Variants in GUCY1B1 observed in about 807,000 individuals in gnomAD.
The protein encoded by GUCY1B1 is guanylate cyclase 1 soluble subunit beta 1, also known as guanylate cyclase soluble subunit beta-1.
Under a neutral mutation model 71.0 loss-of-function variants are expected in GUCY1B1, and 43 were observed. The ratio of observed to expected loss-of-function variants is 0.61; its 90% confidence interval spans 0.47 to 0.78. The LOEUF (loss-of-function observed/expected upper bound fraction) is 0.78, where lower values mean the gene tolerates loss of function less well. Among genes scored for constraint, GUCY1B1 ranks in the 30% least tolerant of loss-of-function variants. The pLI, the probability that GUCY1B1 is intolerant of heterozygous loss-of-function variation, is 0.00. For synonymous variants in GUCY1B1, 266 were observed against 259.7 expected (o/e 1.02, Z -0.23); for missense variants, 535 against 754.1 (o/e 0.71, Z 3.40).
chr4:155,777,443 T>A, intron 3 of GUCY1B1, 81 bp from the exon 4 acceptor site: 1 of 796,366 alleles, frequency 1.3e-6, no homozygotes, highest in South Asian at 1.5e-5. Flanking sequence ...CATTACTTAA[T>A]AAACACTTAT....
At chr4:155,796,306 C>T in intron 7 of GUCY1B1, 71 bp from the exon 8 acceptor site, 25 of 1,353,448 alleles carry the variant, frequency 1.8e-5, no homozygotes, top group South Asian at 3.8e-5. Flanking sequence ...ATGAGATATG[C>T]GTGTCCTTGT....
chr4:155,796,518 T>C lies in GUCY1B1; in HGVS notation c.977+8T>C. On this transcript the variant is annotated splice_region_variant and intron_variant, in intron 8 of 13. Coordinates refer to ENST00000264424, the MANE Select transcript of GUCY1B1 (RefSeq NM_000857.5). ...TTTTCTATGTTCACCAAGGTAATCATTTTTAGATTAATTATAGTGGCTATC... is the reference window on the plus strand; with the variant it reads ...TTTTCTATGTTCACCAAGGTAATCACTTTTAGATTAATTATAGTGGCTATC... 6.3e-7 allele frequency: 1 copy of C among 1,591,974 alleles called. No homozygotes were observed. The highest frequency in any genetic ancestry group is 8.6e-7 in the Non-Finnish European group (1 of 1,162,216).
intron 4 of GUCY1B1, among the ~76,000 whole-genome samples, chr4:155,779,031 A>G (rs1738244492): frequency 6.6e-6 from 1 of 151,938 alleles, no homozygotes; most frequent in Non-Finnish European, 1.5e-5. Context: ...ATGGCACAGT[A>G]AGAGAGCAAG....
At chr4:155,760,867 G>T (rs1736955765) in intron 2 of GUCY1B1, among the ~76,000 whole-genome samples, 1 of 152,152 alleles carries the variant, frequency 6.6e-6, no homozygotes, top group Admixed American at 6.5e-5. Flanking sequence ...TCATTTTGTT[G>T]TCTCAGGTAG....
In GUCY1B1 at chr4:155,777,469, T is replaced by C; in HGVS notation, c.179-55T>C. 9.9e-6 allele frequency: 9 copies of C among 905,422 alleles called. 1 individual carries two copies. The South Asian group carries it at 1.1e-4, about 11-fold the overall frequency. 56.1% of individuals were successfully genotyped at this position (905,422 alleles called of 1,614,324 possible). On this transcript the variant is annotated intron_variant, in intron 3 of 13. Transcript: ENST00000264424. Reference sequence around the variant, plus strand: ...AAACACTTATCTTCATTTTTTCTATTAACAATATTTCACCTATTATATGCT... The same window carrying C: ...AAACACTTATCTTCATTTTTTCTATCAACAATATTTCACCTATTATATGCT...
In GUCY1B1 at chr4:155,796,306, C is replaced by A. The variant is rs1579247454; in HGVS notation, c.844-71C>A. ...GTGGTTTGGTGGGAAATGAGATATG[C>A]GTGTCCTTGTTGCTGAATTCTTAGG... On this transcript the variant is annotated intron_variant, in intron 7 of 13. Transcript: ENST00000264424. The A allele has an allele frequency of 2.7e-5, 37 of 1,353,450 alleles. No homozygotes were observed. In the East Asian group the frequency reaches 7.8e-4, roughly 29 times the overall value. The allele number at this position is 1,353,450 out of a possible 1,614,324, so 83.8% of individuals were successfully genotyped here.
In GUCY1B1 at chr4:155,802,596, G is replaced by A. The variant is rs190941911; in HGVS notation, c.1413+17G>A. ...GTTTATAAGGCAAGTGTTCTTTATC[G>A]CTGACTGCAGAGCTATCCAGAGGCT... On this transcript the variant is annotated intron_variant, in intron 10 of 13. Coordinates refer to ENST00000264424, the MANE Select transcript of GUCY1B1 (RefSeq NM_000857.5). This position sits in a 1 kb window ranked among gnomAD's most constrained non-coding sequence, Gnocchi z 4.3. 7.1e-6 allele frequency: 11 copies of A among 1,546,844 alleles called. No individual in the cohort carries two copies. The highest frequency in any genetic ancestry group is 6.4e-5 in the South Asian group (5 of 77,920).
intron 2 of GUCY1B1, among the ~76,000 whole-genome samples, chr4:155,768,708 G>A (rs2045597): frequency 0.01 from 1,538 of 152,086 alleles, 18 homozygotes; most frequent in African/African-American, 0.035. Context: ...TATAAATAAA[G>A]GATCTGCTTA....
At chr4:155,759,367 G>C in intron 1 of GUCY1B1, 1 of 556,188 alleles carries the variant, frequency 1.8e-6, no homozygotes, top group South Asian at 2.3e-5. Flanking sequence ...CGGGTTTGCC[G>C]CTCCACACCG....
chr4:155,805,211 A>G lies in GUCY1B1; in HGVS notation c.1818A>G (p.Arg606=). The G allele has an allele frequency of 6.2e-7, 1 of 1,610,318 alleles. No homozygotes were observed. Among genetic ancestry groups the G allele is most frequent in the Non-Finnish European group, 8.5e-7 (1 of 1,177,788 alleles). The change falls in exon 13 of 14, where the codon AGA becomes AGG. Residue 606 remains arginine (R), a synonymous_variant. Coordinates refer to ENST00000264424, the MANE Select transcript of GUCY1B1 (RefSeq NM_000857.5). ...KEPMQVWFLS[R]KNTGTEETKQ... is the part of the protein sequence containing the mutation. Reference sequence around the variant, plus strand: ...CAATGCAAGTTTGGTTTCTATCCAGAAAAAATACAGGAACAGAGGTATGAC... The same window carrying G: ...CAATGCAAGTTTGGTTTCTATCCAGGAAAAATACAGGAACAGAGGTATGAC...
Position 155,807,575 on chromosome 4 carries a change from A to T in GUCY1B1, c.*1166A>T, listed in dbSNP as rs1306102465. The stretch of plus-strand genomic sequence containing the variant: ...TAATGTGTAAAAGAGTCTGTAATAA[A>T]TTATTTTTTTCACGTGTCTCTATAC... On this transcript the variant is annotated 3_prime_UTR_variant, in exon 14 of 14. Coordinates refer to ENST00000264424, the MANE Select transcript of GUCY1B1 (RefSeq NM_000857.5). The T allele has an allele frequency of 1.3e-5, 2 of 152,066 alleles. No homozygotes were observed. The highest frequency in any genetic ancestry group is 1.3e-4 in the Admixed American group (2 of 15,230). 9.4% of individuals were successfully genotyped at this position (152,066 alleles called of 1,614,324 possible). A position where few individuals can be genotyped will look rare whatever the true frequency, so the allele number is the denominator to read the frequency against.
chr4:155,792,687 G>A (rs535402308), intron 5 of GUCY1B1, among the ~76,000 whole-genome samples: 10 of 151,284 alleles, frequency 6.6e-5, no homozygotes, highest in Admixed American at 2.6e-4. Flanking sequence ...TTTTTATTTA[G>A]CTGTAACTGA....
At chr4:155,798,356 G>A (rs1422345063) in intron 8 of GUCY1B1, among the ~76,000 whole-genome samples, 1 of 152,146 alleles carries the variant, frequency 6.6e-6, no homozygotes, top group African/African-American at 2.4e-5. Flanking sequence ...TTGTAACTCA[G>A]TATGAGCATT....
At chr4:155,761,384 A>G (rs1381270555) in intron 2 of GUCY1B1, among the ~76,000 whole-genome samples, 2 of 152,186 alleles carry the variant, frequency 1.3e-5, no homozygotes, top group African/African-American at 4.8e-5. Flanking sequence ...ATGCTTTTGC[A>G]TCTGTAAGAT....
At chr4:155,796,329 A>T in intron 7 of GUCY1B1, 48 bp from the exon 8 acceptor site, 1 of 1,563,344 alleles carries the variant, frequency 6.4e-7, no homozygotes, top group Non-Finnish European at 8.8e-7. Flanking sequence ...CTGAATTCTT[A>T]GGTAGGGAGA....
chr4:155,777,686 ACT>A, intron 4 of GUCY1B1, 44 bp downstream of exon 4: 1 of 915,112 alleles, frequency 1.1e-6, no homozygotes, highest in Non-Finnish European at 1.8e-6. Context: ...TGTGTTTATA[ACT>A]CTCAAATATA....
intron 2 of GUCY1B1, among the ~76,000 whole-genome samples, chr4:155,770,585 G>A (rs1285229940): frequency 1.3e-5 from 2 of 152,118 alleles, no homozygotes; most frequent in South Asian, 4.1e-4. Context: ...TCAGTTTAGT[G>A]TATTAAACTG....
intron 4 of GUCY1B1, among the ~76,000 whole-genome samples, chr4:155,780,989 C>T (rs1182833883): frequency 6.6e-6 from 1 of 152,166 alleles, no homozygotes; most frequent in Admixed American, 6.5e-5. Context: ...CTGAGCAACT[C>T]TGACTCACTC....
chr4:155,799,774 G>T, intron 8 of GUCY1B1, 103 bp from the exon 9 acceptor site: 2 of 612,290 alleles, frequency 3.3e-6, no homozygotes, highest in South Asian at 2.4e-5. Flanking sequence ...CTGATGTTTT[G>T]AATGGTAGGA....
Sources: gnomAD v4.1 joint callset for allele counts (sites outside exome capture counted in the v4.1 genomes callset) on GRCh38, gnomAD v4.1.1 for gene constraint, Gnocchi (gnomAD v3.1) non-coding constraint, MANE v1.5 for transcripts, NCBI Gene and HGNC (gene_info 2026-07-23, HGNC 2026-07-21) for gene names.